KLHL29: variants seen among roughly 807,000 people sequenced by gnomAD.
The protein encoded by KLHL29 is kelch like family member 29, also known as kelch-like protein 29.
A neutral mutation model predicts 80.4 loss-of-function variants in KLHL29; 21 were observed. The ratio of observed to expected loss-of-function variants is 0.26; its 90% CI spans 0.19 to 0.38. The LOEUF (loss-of-function observed/expected upper bound fraction) is 0.38. Ranked by LOEUF, KLHL29 falls within the 10% of genes least tolerant of loss-of-function variation. The probability of loss-of-function intolerance (pLI) is 1.00; values close to 1 mark genes in which losing one functional copy is unlikely to be tolerated. For missense variants in KLHL29, 867 were observed against 1,223.9 expected, an observed-to-expected ratio of 0.71 and a Z score of 4.35; for synonymous variants, 511 against 526.8, an observed-to-expected ratio of 0.97 and a Z score of 0.41.
intron 2 of KLHL29, among the ~76,000 whole-genome samples, chr2:23,509,631 A>C (rs1296896209): frequency 6.6e-6 from 1 of 152,206 alleles, no homozygotes; most frequent in African/African-American, 2.4e-5. Context: ...GTTGTGATTT[A>C]ATATGTGCAC....
At position 23,642,330 on chromosome 2, in the gene KLHL29, C is replaced by T; in HGVS notation, c.428-8C>T. The T allele has an allele frequency of 1.4e-6, 2 of 1,407,028 alleles. No individual in the cohort carries two copies. Among genetic ancestry groups the T allele is most frequent in the Non-Finnish European group, 9.3e-7 (1 of 1,074,754 alleles). The allele number at this position is 1,407,028 out of a possible 1,614,324, so 87.2% of individuals were successfully genotyped here. On this transcript the variant is annotated splice_polypyrimidine_tract_variant and splice_region_variant and intron_variant, in intron 4 of 13. Transcript: ENST00000486442. ...CGGCAGATGACGTTTCTTCCATCTC[C>T]CTTGCAGGCACAGGGCCATGGGTGA... is the stretch of plus-strand genomic sequence containing the variant.
intron 2 of KLHL29, among the ~76,000 whole-genome samples, chr2:23,478,204 A>G (rs1291208795): frequency 6.6e-6 from 1 of 152,156 alleles, no homozygotes; most frequent in African/African-American, 2.4e-5. Flanking sequence ...TCATACCAGT[A>G]CCTGATGAGC....
chr2:23,442,749 A>C (rs1382503225), intron 1 of KLHL29, among the ~76,000 whole-genome samples: 1 of 152,138 alleles, frequency 6.6e-6, no homozygotes, highest in Non-Finnish European at 1.5e-5. Flanking sequence ...ACAACCCCAG[A>C]GTCTGTGTGG....
chr2:23,504,714 A>G (rs1315821126), intron 2 of KLHL29, among the ~76,000 whole-genome samples: 2 of 152,034 alleles, frequency 1.3e-5, no homozygotes, highest in Admixed American at 1.3e-4. Context: ...CTTGGATTGG[A>G]CTCAGTAATT....
intron 3 of KLHL29, among the ~76,000 whole-genome samples, chr2:23,585,148 C>G (rs1041434057): frequency 4.6e-5 from 7 of 152,346 alleles, no homozygotes; most frequent in African/African-American, 1.7e-4. Context: ...GCTGAATGAA[C>G]AGGCTCTGTC....
chr2:23,422,063 G>A (rs1267378868), intron 1 of KLHL29, among the ~76,000 whole-genome samples: 1 of 151,662 alleles, frequency 6.6e-6, no homozygotes, highest in East Asian at 1.9e-4. Context: ...GTGTCTCTGT[G>A]TGTGTCAGTG....
chr2:23,613,789 A>AAAAAAAAAAAC, intron 3 of KLHL29, among the ~76,000 whole-genome samples: 1 of 145,654 alleles, frequency 6.9e-6, no homozygotes, highest in East Asian at 2.1e-4. Context: ...AAAAAAAAAA[A>AAAAAAAAAAAC]ACCCACCACT....
At chr2:23,405,456 G>T (rs978511711) in intron 1 of KLHL29, among the ~76,000 whole-genome samples, 4 of 152,304 alleles carry the variant, frequency 2.6e-5, no homozygotes, top group Non-Finnish European at 5.9e-5. Flanking sequence ...GAGGGCAGTT[G>T]AATACGTTTA....
chr2:23,544,354 G>A (rs1013698527), intron 2 of KLHL29, among the ~76,000 whole-genome samples: 19 of 152,174 alleles, frequency 1.2e-4, no homozygotes. Context: ...CCGGGGCTGC[G>A]CTGCCTGGGC....
At chr2:23,631,385 G>C (rs1171115590) in intron 3 of KLHL29, among the ~76,000 whole-genome samples, 1 of 152,356 alleles carries the variant, frequency 6.6e-6, no homozygotes, top group Middle Eastern at 3.4e-3. Context: ...CAGTAATTTA[G>C]CAGCAAGTTG....
At chr2:23,536,890 T>TCACA (rs111611960) in intron 2 of KLHL29, among the ~76,000 whole-genome samples, 294 of 143,220 alleles carry the variant, frequency 2.1e-3, no homozygotes, top group African/African-American at 5.7e-3. Flanking sequence ...AAGACAGATC[T>TCACA]CACACACACA....
chr2:23,420,049 C>T (rs996731296), intron 1 of KLHL29, among the ~76,000 whole-genome samples: 1 of 152,190 alleles, frequency 6.6e-6, no homozygotes, highest in South Asian at 2.1e-4. Flanking sequence ...TCCCCACACA[C>T]GGAGACACAG....
chr2:23,581,564 G>A (rs1667982519), intron 3 of KLHL29, among the ~76,000 whole-genome samples: 1 of 152,080 alleles, frequency 6.6e-6, no homozygotes, highest in Non-Finnish European at 1.5e-5. Flanking sequence ...AGTGGCTCAC[G>A]CCTATAATCC....
chr2:23,535,954 C>T (rs1287900765), intron 2 of KLHL29, among the ~76,000 whole-genome samples: 1 of 152,224 alleles, frequency 6.6e-6, no homozygotes, highest in East Asian at 1.9e-4. Flanking sequence ...AGAAGAGCAA[C>T]GAAAGAATCC....
At chr2:23,542,495 C>G (rs1401905195) in intron 2 of KLHL29, among the ~76,000 whole-genome samples, 1 of 152,244 alleles carries the variant, frequency 6.6e-6, no homozygotes, top group African/African-American at 2.4e-5. Context: ...ATGGGGACAG[C>G]CCGCGTTCAG....
intron 2 of KLHL29, among the ~76,000 whole-genome samples, chr2:23,516,106 G>C (rs1665913878): frequency 6.6e-6 from 1 of 152,182 alleles, no homozygotes; most frequent in Non-Finnish European, 1.5e-5. Flanking sequence ...GTTCTCTGAG[G>C]CTCCAGGACT....
intron 1 of KLHL29, among the ~76,000 whole-genome samples, chr2:23,388,804 A>AT (rs1187210737): frequency 6.6e-6 from 1 of 151,250 alleles, no homozygotes; most frequent in Non-Finnish European, 1.5e-5. Context: ...TACTAATGTC[A>AT]TTTTTTGGCA....
intron 5 of KLHL29, among the ~76,000 whole-genome samples, chr2:23,671,311 G>A (rs561222996): frequency 6.6e-6 from 1 of 152,048 alleles, no homozygotes; most frequent in South Asian, 2.1e-4. Flanking sequence ...GCTCTCTGCT[G>A]CCTGCCCCAT....
At chr2:23,472,040 C>A (rs1429861689) in intron 1 of KLHL29, among the ~76,000 whole-genome samples, 1 of 131,684 alleles carries the variant, frequency 7.6e-6, no homozygotes, top group South Asian at 2.5e-4. Context: ...AGTCAAGGAT[C>A]GTTTATACAC....
Sources: gnomAD v4.1 joint callset for allele counts (sites outside exome capture counted in the v4.1 genomes callset) on GRCh38, gnomAD v4.1.1 for gene constraint, MANE v1.5 for transcripts, NCBI Gene and HGNC (gene_info 2026-07-23, HGNC 2026-07-21) for gene names.